BLM: variants seen among roughly 807,000 people sequenced by gnomAD.
BLM encodes recQ-like DNA helicase BLM.
BLM carries 95 observed loss-of-function variants against 135.3 expected under a neutral mutation model. That is an observed-to-expected ratio of 0.70 (90% CI 0.59 to 0.83). The LOEUF is 0.83. Ranked by LOEUF, BLM falls within the 40% of genes least tolerant of loss-of-function variation. The pLI is 0.00. For synonymous variants in BLM, 520 were observed against 589.2 expected (o/e 0.88, Z 1.70); for missense variants, 1,518 against 1,663.9 (o/e 0.91, Z 1.53).
rs576524225 is a variant in BLM, at chr15:90,731,809, A to T, written c.-5+14369A>T. Among the ~76,000 whole-genome samples the T allele has an allele frequency of 4.7e-4, 71 of 152,022 alleles. No individual in the cohort carries two copies. The South Asian group carries it at 8.5e-3, about 18-fold the overall frequency. On this transcript the variant is annotated intron_variant, in intron 1 of 21. Transcript: ENST00000355112. ...TATCTATTATTTTTTACTCTTAAAA[A>T]TTTTTTTAAAAATCTATTTATTTAT...
At chr15:90,718,800 T>C (rs1894679927) in intron 1 of BLM, among the ~76,000 whole-genome samples, 1 of 152,034 alleles carries the variant, frequency 6.6e-6, no homozygotes, top group Non-Finnish European at 1.5e-5. Context: ...TCAGGAAAAG[T>C]GTTAGATGTG....
chr15:90,761,045 A>G lies in BLM; in HGVS notation c.1672A>G (p.Ile558Val). Residue 558 changes from isoleucine to valine, a missense_variant, in exon 7 of 22, where the codon ATA (isoleucine) becomes GTA (valine). Physicochemically the swap from Ile to Val is conservative, Grantham distance 29. Coordinates refer to ENST00000355112, the MANE Select transcript of BLM (RefSeq NM_000057.4). ...QPSYDIDNFD[I>V]DDFDDDDDWE... ...TTCCTATGATATTGATAATTTTGAC[A>G]TAGATGACTTTGATGATGATGATGA... 2 of 1,591,958 alleles carry G rather than the reference A, an allele frequency of 1.3e-6. No individual in the cohort carries two copies. The highest frequency in any genetic ancestry group is 1.4e-5 in the African/African-American group (1 of 73,568).
chr15:90,812,978 C>T (rs763734495), intron 21 of BLM, among the ~76,000 whole-genome samples: 1 of 152,212 alleles, frequency 6.6e-6, no homozygotes, highest in Non-Finnish European at 1.5e-5. Context: ...TCCTCAGTAA[C>T]TCACACAGAG....
intron 21 of BLM, among the ~76,000 whole-genome samples, chr15:90,812,504 A>G (rs1325301109): frequency 6.6e-6 from 1 of 152,008 alleles, no homozygotes; most frequent in Non-Finnish European, 1.5e-5. Flanking sequence ...CCGCTTTTTG[A>G]TTTTCTGCCA....
At chr15:90,812,643 A>G (rs1897451954) in intron 21 of BLM, among the ~76,000 whole-genome samples, 1 of 145,204 alleles carries the variant, frequency 6.9e-6, no homozygotes, top group African/African-American at 2.6e-5. Flanking sequence ...AAGAAACCAA[A>G]AAAAAGTCCA....
At chr15:90,737,946 A>C (rs1212798181) in intron 1 of BLM, among the ~76,000 whole-genome samples, 1 of 152,224 alleles carries the variant, frequency 6.6e-6, no homozygotes, top group African/African-American at 2.4e-5. Flanking sequence ...AATAAGACAA[A>C]TTACTAAAAT....
Position 90,798,357 on chromosome 15 carries a change from T to G in BLM, c.3358+20T>G. 6.2e-7 allele frequency: 1 copy of G among 1,610,730 alleles called. No individual in the cohort carries two copies. The highest frequency in any genetic ancestry group is 1.3e-5 in the African/African-American group (1 of 75,000). On this transcript the variant is annotated intron_variant, in intron 17 of 21. Transcript: ENST00000355112. The stretch of plus-strand genomic sequence containing the variant: ...TCTTGGGTAAGTCATCTGTTTTGAA[T>G]GTTTGAGTTACTTCAATTGAAATTG...
intron 12 of BLM, among the ~76,000 whole-genome samples, chr15:90,781,841 C>G (rs548560160): frequency 6.6e-6 from 1 of 152,106 alleles, no homozygotes; most frequent in Non-Finnish European, 1.5e-5. Flanking sequence ...CGTATATTTC[C>G]TGTGTGATTT....
chr15:90,788,353 A>G (rs565708154), intron 14 of BLM, among the ~76,000 whole-genome samples: 1 of 152,322 alleles, frequency 6.6e-6, no homozygotes, highest in African/African-American at 2.4e-5. Context: ...AAACCAACAA[A>G]AGGTCATTTT....
chr15:90,743,081 G>A (rs183839470), intron 1 of BLM, among the ~76,000 whole-genome samples: 14 of 145,636 alleles, frequency 9.6e-5, no homozygotes, highest in South Asian at 6.5e-4. Context: ...CTGCAGCCTC[G>A]AACTCCTGGG....
At chr15:90,730,832 A>G (rs1175429566) in intron 1 of BLM, among the ~76,000 whole-genome samples, 1 of 152,184 alleles carries the variant, frequency 6.6e-6, no homozygotes, top group African/African-American at 2.4e-5. Flanking sequence ...TTGAGACGAT[A>G]TGGTTGTTCA....
At position 90,759,913 on chromosome 15, in the gene BLM, TAA is replaced by T. The variant is rs60293840; in HGVS notation, c.1088-217_1088-216del. On this transcript the variant is annotated intron_variant, in intron 5 of 21. Coordinates refer to ENST00000355112, the MANE Select transcript of BLM (RefSeq NM_000057.4). The stretch of plus-strand genomic sequence containing the variant: ...TGAGCCACCGTGCCCAGCCCCACTT[TAA>T]AAAAAAAAAAAAAAAAGAAAAAGAA... 62,756 of 278,922 alleles carry T rather than the reference TAA, an allele frequency of 0.22. 3,646 individuals are homozygous for T. The highest frequency in any genetic ancestry group is 0.33 in the African/African-American group (12,763 of 38,334). 17.3% of individuals were successfully genotyped at this position (278,922 alleles called of 1,614,324 possible). A position where few individuals can be genotyped will look rare whatever the true frequency, so the allele number is the denominator to read the frequency against.
chr15:90,790,387 T>G (rs1167079132), intron 14 of BLM: 1 of 479,160 alleles, frequency 2.1e-6, no homozygotes, highest in Admixed American at 3.4e-5. Context: ...CTCTCTTACA[T>G]GAGAATGCCA....
chr15:90,809,488 G>A (rs1298716110), intron 20 of BLM, among the ~76,000 whole-genome samples: 1 of 152,134 alleles, frequency 6.6e-6, no homozygotes, highest in Admixed American at 6.5e-5. Flanking sequence ...GGACCTTTGG[G>A]CCCAGGGGTT....
intron 17 of BLM, among the ~76,000 whole-genome samples, chr15:90,802,856 G>A (rs1897194987): frequency 6.6e-6 from 1 of 151,958 alleles, no homozygotes; most frequent in Non-Finnish European, 1.5e-5. Context: ...AATACCTGAG[G>A]GAATGGATGG....
At chr15:90,777,729 G>A (rs2151174073) in intron 12 of BLM, among the ~76,000 whole-genome samples, 1 of 152,286 alleles carries the variant, frequency 6.6e-6, no homozygotes, top group South Asian at 2.1e-4. Flanking sequence ...GTACAATTTA[G>A]TGGGTTGCTT....
At chr15:90,758,181 C>T (rs1253708506) in intron 5 of BLM, among the ~76,000 whole-genome samples, 1 of 151,816 alleles carries the variant, frequency 6.6e-6, no homozygotes, top group African/African-American at 2.4e-5. Context: ...TACCCAGGCG[C>T]AGCTGAGGTT....
Position 90,816,110 on chromosome 15 carries a change from T to A in BLM, c.*831T>A, listed in dbSNP as rs1405481326. 2.7e-5 allele frequency: 4 copies of A among 150,154 alleles called. No individual in the cohort carries two copies. The highest frequency in any genetic ancestry group is 9.8e-5 in the African/African-American group (4 of 40,942). The allele number at this position is 150,154 out of a possible 1,614,324, so 9.3% of individuals were successfully genotyped here. On this transcript the variant is annotated 3_prime_UTR_variant, in exon 22 of 22. Coordinates refer to ENST00000355112, the MANE Select transcript of BLM (RefSeq NM_000057.4). ...AAAAAAAAAAAAAAAGAAATATACA[T>A]GCTCTGCAAATATGTGAAAAAGGTC...
chr15:90,802,656 T>C (rs766705736), intron 17 of BLM, among the ~76,000 whole-genome samples: 9 of 152,142 alleles, frequency 5.9e-5, no homozygotes, highest in Non-Finnish European at 1.2e-4. Context: ...TCAAAAATTG[T>C]TTGTAGCCAG....
Sources: allele counts gnomAD v4.1 joint callset (sites outside exome capture counted in the v4.1 genomes callset), GRCh38; gene constraint gnomAD v4.1.1; transcripts MANE v1.5; gene names NCBI Gene and HGNC (gene_info 2026-07-23, HGNC 2026-07-21).